Variants in LMF1 observed in about 807,000 individuals in gnomAD.
LMF1 encodes lipase maturation factor 1, also known as transmembrane protein 112.
A neutral mutation model predicts 60.6 loss-of-function variants in LMF1; 68 were observed. The ratio of observed to expected loss-of-function variants is 1.12; its 90% CI spans 0.92 to 1.37. The LOEUF (loss-of-function observed/expected upper bound fraction) is 1.37, where lower values mean the gene tolerates loss of function less well. LMF1 is among the 40% of genes most tolerant of loss of function. The pLI, the probability that LMF1 is intolerant of heterozygous loss-of-function variation, is 0.00. For synonymous variants in LMF1, 418 were observed against 324.7 expected (o/e 1.29, Z -3.09); for missense variants, 948 against 767.2 (o/e 1.24, Z -2.78).
rs143598475 is a variant in LMF1, at chr16:866,052, C to T, written c.1529+2892G>A. On this transcript the variant is annotated intron_variant, in intron 10 of 10. Transcript: ENST00000262301. ...TCATAATTACTGCATGCGTTTTCGA[C>T]GGCTGCATTCACATCTCTGTGAAGT... 6.4e-4 allele frequency among the ~76,000 whole-genome samples: 98 copies of T among 152,310 alleles called. 2 individuals are homozygous for T. The highest frequency in any genetic ancestry group is 2.1e-3 in the African/African-American group (89 of 41,562).
intron 6 of LMF1, chr16:872,134 T>C (rs13339455): frequency 0.61 from 92,437 of 152,036 alleles, 30,368 homozygotes; most frequent in African/African-American, 0.87. Flanking sequence ...GCCGTTGCCG[T>C]GGAGGCATCA....
intron 1 of LMF1, among the ~76,000 whole-genome samples, chr16:964,311 A>AT (rs1005871753): frequency 6.6e-6 from 1 of 151,960 alleles, no homozygotes; most frequent in African/African-American, 2.4e-5. Context: ...AAAAAAAAAA[A>AT]AAAGAATCAG....
chr16:879,428 C>T lies in LMF1; in HGVS notation c.897+142G>A, dbSNP rs2076424. Reference sequence around the variant, plus strand: ...GCTGCAGTGGGGCCCGTGACACAAACGAAGGCTGGGGAGGACAGGCTGTCC... The same window carrying T: ...GCTGCAGTGGGGCCCGTGACACAAATGAAGGCTGGGGAGGACAGGCTGTCC... On this transcript the variant is annotated intron_variant, in intron 6 of 10. Transcript: ENST00000262301. 120,944 of 994,838 alleles carry T rather than the reference C, an allele frequency of 0.12. 8,620 individuals are homozygous for T. Among genetic ancestry groups the T allele is most frequent in the East Asian group, 0.28 (10,710 of 37,884 alleles). 61.6% of individuals were successfully genotyped at this position (994,838 alleles called of 1,614,324 possible).
chr16:979,516 C>T lies in LMF1; in HGVS notation c.-135+1629G>A, dbSNP rs113872723. The T allele has an allele frequency of 2.3e-3, 932 of 405,042 alleles. 12 individuals are homozygous for T. The highest frequency in any genetic ancestry group is 0.017 in the African/African-American group (848 of 49,016). The allele number at this position is 405,042 out of a possible 1,614,324, so 25.1% of individuals were successfully genotyped here. On this transcript the variant is annotated intron_variant, in intron 1 of 6. Transcript: ENST00000570014. The stretch of plus-strand genomic sequence containing the variant: ...AGCCTGAGGCAGGGTCTCAGTTGCA[C>T]AGACCACCGTGCCCCAGAGTCAGGG...
intron 4 of LMF1, among the ~76,000 whole-genome samples, chr16:894,107 T>C (rs1280582927): frequency 1.7e-5 from 1 of 59,312 alleles, no homozygotes; most frequent in African/African-American, 6.4e-5. Flanking sequence ...CGCCCACCCA[T>C]GCCCCTGTCC....
intron 2 of LMF1, among the ~76,000 whole-genome samples, chr16:954,043 ACACG>A (rs1567312721): frequency 2.3e-5 from 3 of 128,528 alleles, no homozygotes; most frequent in Admixed American, 1.5e-4. Flanking sequence ...CCAGCCTCCT[ACACG>A]TCCACACAGA....
Position 960,487 on chromosome 16 carries a change from A to G in LMF1, c.194-5821T>C, listed in dbSNP as rs569299031. On this transcript the variant is annotated intron_variant, in intron 1 of 10. Coordinates refer to ENST00000262301, the MANE Select transcript of LMF1 (RefSeq NM_022773.4). The stretch of plus-strand genomic sequence containing the variant: ...GGGATCACGACCCAGACACAGACTC[A>G]CGGTGACAACACTGGATCACAACCC... Among the ~76,000 whole-genome samples the G allele has an allele frequency of 6.5e-4, 90 of 138,062 alleles. 8 individuals are homozygous for G. The highest frequency in any genetic ancestry group is 2.3e-3 in the African/African-American group (84 of 36,528). 90.6% of individuals were successfully genotyped at this position (138,062 alleles called of 152,430 possible).
upstream of LMF1, chr16:971,127 A>C (rs1349531011): frequency 5.1e-6 from 4 of 786,416 alleles, no homozygotes; most frequent in South Asian, 4.6e-5. Context: ...TCCCGGAGGC[A>C]CCGCCCCCTC....
chr16:952,266 C>A (rs1235823237), intron 2 of LMF1, among the ~76,000 whole-genome samples: 4 of 151,976 alleles, frequency 2.6e-5, no homozygotes, highest in African/African-American at 4.8e-5. Context: ...CAGTGGGGAC[C>A]CCCCTTACAA....
intron 10 of LMF1, 34 bp from the exon 11 acceptor site, chr16:854,740 T>C (rs1299381223): frequency 6.5e-7 from 1 of 1,549,224 alleles, no homozygotes; most frequent in Non-Finnish European, 8.7e-7. Context: ...CAGGGCCTGC[T>C]GGGACTCCCG....
chr16:960,018 T>C (rs898027277), intron 1 of LMF1, among the ~76,000 whole-genome samples: 1 of 152,086 alleles, frequency 6.6e-6, no homozygotes, highest in East Asian at 1.9e-4. Flanking sequence ...AATGAGATAG[T>C]GACACACAGA....
intron 2 of LMF1, among the ~76,000 whole-genome samples, chr16:949,079 C>A (rs1289641483): frequency 1.5e-5 from 2 of 136,298 alleles, no homozygotes; most frequent in African/African-American, 6.0e-5. Context: ...AGTCAGCCAA[C>A]GACAGAGTCA....
chr16:908,397 G>C (rs4984973), intron 4 of LMF1, among the ~76,000 whole-genome samples: 46,038 of 152,032 alleles, frequency 0.3, 8,935 homozygotes, highest in African/African-American at 0.53. Context: ...AGCCACTCAC[G>C]CACCCCTCAG....
At chr16:859,188 G>A (rs2069335792) in intron 10 of LMF1, among the ~76,000 whole-genome samples, 7 of 133,382 alleles carry the variant, frequency 5.2e-5, no homozygotes, top group Non-Finnish European at 7.7e-5. Context: ...GTGGTGTCTC[G>A]GGACGGGTGT....
At chr16:953,290 C>CGGA (rs2072545071) in intron 2 of LMF1, among the ~76,000 whole-genome samples, 4 of 55,468 alleles carry the variant, frequency 7.2e-5, no homozygotes, top group East Asian at 4.1e-4. Context: ...CACACAGACA[C>CGGA]CCCAAACCAG....
chr16:918,643 C>T (rs915018697), intron 3 of LMF1, among the ~76,000 whole-genome samples: 6 of 152,076 alleles, frequency 3.9e-5, no homozygotes, highest in Non-Finnish European at 5.9e-5. Flanking sequence ...GTTGTGCCCA[C>T]GGAGCTGTCC....
chr16:974,160 T>C (rs1275692635), upstream of LMF1, among the ~76,000 whole-genome samples: 1 of 152,216 alleles, frequency 6.6e-6, no homozygotes, highest in Non-Finnish European at 1.5e-5. Context: ...AAGGCGCATC[T>C]AGCAGTTTAA....
At position 887,750 on chromosome 16, in the gene LMF1, T is replaced by C. The variant is rs138705588; in HGVS notation, c.729+5257A>G. On this transcript the variant is annotated intron_variant, in intron 5 of 10. Coordinates refer to ENST00000262301, the MANE Select transcript of LMF1 (RefSeq NM_022773.4). ...GTGGTCGCAGGTACCCTGGAAGGCA[T>C]GGCCGTGGCCTGGGCCCGGAGTCAG... Among the ~76,000 whole-genome samples the C allele has an allele frequency of 4.7e-3, 720 of 152,176 alleles. 6 individuals carry two copies. Among genetic ancestry groups the C allele is most frequent in the African/African-American group, 0.016 (679 of 41,506 alleles).
chr16:931,631 C>T (rs1408322676), intron 3 of LMF1: 8 of 1,285,918 alleles, frequency 6.2e-6, no homozygotes, highest in South Asian at 3.7e-5. Flanking sequence ...GCCCAGCACC[C>T]GGAGTCATAC....
Sources: allele counts gnomAD v4.1 joint callset (sites outside exome capture counted in the v4.1 genomes callset), GRCh38; gene constraint gnomAD v4.1.1; transcripts MANE v1.5; gene names NCBI Gene and HGNC (gene_info 2026-07-23, HGNC 2026-07-21).